SGIP1: variants seen among roughly 807,000 people sequenced by gnomAD.
The protein encoded by SGIP1 is SH3-containing GRB2-like protein 3-interacting protein 1.
A neutral mutation model predicts 107.5 loss-of-function variants in SGIP1; 38 were observed. That is an observed-to-expected ratio of 0.35 (90% CI 0.27 to 0.46). The LOEUF is 0.46. Among genes scored for constraint, SGIP1 ranks in the 20% least tolerant of loss-of-function variants. The pLI, the probability that SGIP1 is intolerant of heterozygous loss-of-function variation, is 1.00. For synonymous variants in SGIP1, 365 were observed against 366.1 expected (o/e 1.00, Z 0.03); for missense variants, 929 against 1,019.5 (o/e 0.91, Z 1.21).
At chr1:66,658,118 T>G (rs1333458498) in intron 7 of SGIP1, among the ~76,000 whole-genome samples, 1 of 152,164 alleles carries the variant, frequency 6.6e-6, no homozygotes, top group Non-Finnish European at 1.5e-5. Flanking sequence ...CATTTGTGTG[T>G]TCATGTTTAG....
intron 7 of SGIP1, 200 bp downstream of exon 7, chr1:66,643,919 A>T: frequency 2.7e-6 from 1 of 366,138 alleles, no homozygotes. Context: ...TGTGCTTTTC[A>T]AAAAGGTGAA....
At chr1:66,557,318 T>C (rs2058329107) in intron 1 of SGIP1, among the ~76,000 whole-genome samples, 1 of 152,128 alleles carries the variant, frequency 6.6e-6, no homozygotes, top group Admixed American at 6.6e-5. Context: ...GAGCAGACAT[T>C]GCTAATAAAT....
chr1:66,693,038 A>C (rs1213026465), intron 17 of SGIP1, among the ~76,000 whole-genome samples: 1 of 152,112 alleles, frequency 6.6e-6, no homozygotes, highest in Non-Finnish European at 1.5e-5. Context: ...GAGAAAAACT[A>C]CTGGTTGAGC....
chr1:66,683,516 G>A (rs1273145663), intron 15 of SGIP1, among the ~76,000 whole-genome samples: 1 of 151,976 alleles, frequency 6.6e-6, no homozygotes, highest in Non-Finnish European at 1.5e-5. Context: ...CACCCGTACT[G>A]CACACAAAAC....
At chr1:66,605,028 C>A (rs950165091) in intron 1 of SGIP1, among the ~76,000 whole-genome samples, 1 of 152,184 alleles carries the variant, frequency 6.6e-6, no homozygotes, top group African/African-American at 2.4e-5. Flanking sequence ...CTCTTCACTT[C>A]ATCTTCCCTG....
intron 18 of SGIP1, among the ~76,000 whole-genome samples, chr1:66,709,516 C>G (rs1054603281): frequency 6.6e-6 from 1 of 152,120 alleles, no homozygotes; most frequent in Non-Finnish European, 1.5e-5. Context: ...CCTATCTGGA[C>G]ACATGGTTGT....
intron 1 of SGIP1, among the ~76,000 whole-genome samples, chr1:66,613,355 A>T (rs2068452293): frequency 6.6e-6 from 1 of 152,126 alleles, no homozygotes; most frequent in African/African-American, 2.4e-5. Flanking sequence ...TCTGAGTCAG[A>T]GTCTCACTCT....
intron 1 of SGIP1, among the ~76,000 whole-genome samples, chr1:66,587,817 T>G (rs962426888): frequency 6.6e-6 from 1 of 151,852 alleles, no homozygotes; most frequent in African/African-American, 2.4e-5. Context: ...TTCACAAAGG[T>G]AAGGAAGATG....
chr1:66,696,363 T>A (rs1292519802), intron 18 of SGIP1, among the ~76,000 whole-genome samples: 1 of 152,230 alleles, frequency 6.6e-6, no homozygotes, highest in East Asian at 1.9e-4. Context: ...GGATTTTAAA[T>A]AGCTACATTT....
At chr1:66,602,087 A>AC (rs1299095689) in intron 1 of SGIP1, among the ~76,000 whole-genome samples, 1 of 152,208 alleles carries the variant, frequency 6.6e-6, no homozygotes. Flanking sequence ...TTAAGCTGAG[A>AC]ATCAGTGATC....
rs77713734 is a variant in SGIP1 at position 66,572,497 on chromosome 1, C to T, written c.10+38129C>T. Among the ~76,000 whole-genome samples the T allele has an allele frequency of 7.6e-3, 1,161 of 152,058 alleles. 13 individuals carry two copies. The highest frequency in any genetic ancestry group is 0.026 in the African/African-American group (1,066 of 41,494). Reference sequence around the variant, plus strand: ...CAGTTTAGTTCCTTGGGTTCCTCCCCGAAATATGTCCTTATGGAGGTTGCT... The same window carrying T: ...CAGTTTAGTTCCTTGGGTTCCTCCCTGAAATATGTCCTTATGGAGGTTGCT... On this transcript the variant is annotated intron_variant, in intron 1 of 24. Coordinates refer to ENST00000371037, the MANE Select transcript of SGIP1 (RefSeq NM_032291.4).
intron 1 of SGIP1, among the ~76,000 whole-genome samples, chr1:66,566,994 G>T (rs2059741540): frequency 6.6e-6 from 1 of 152,066 alleles, no homozygotes; most frequent in Admixed American, 6.6e-5. Flanking sequence ...AGTTTGCTGA[G>T]GATGATGGCT....
chr1:66,733,570 T>C (rs1014844428), intron 20 of SGIP1, among the ~76,000 whole-genome samples, 178 bp from the exon 21 acceptor site: 1 of 152,182 alleles, frequency 6.6e-6, no homozygotes, highest in Non-Finnish European at 1.5e-5. Flanking sequence ...ACCAACACCA[T>C]AGCATTCAGA....
intron 18 of SGIP1, among the ~76,000 whole-genome samples, chr1:66,698,895 T>C (rs1557672411): frequency 6.6e-6 from 1 of 151,564 alleles, no homozygotes; most frequent in Non-Finnish European, 1.5e-5. Context: ...CAAAATCATC[T>C]CGTATGTGGT....
chr1:66,697,021 G>C (rs922069419), intron 18 of SGIP1, among the ~76,000 whole-genome samples: 3 of 152,058 alleles, frequency 2.0e-5, no homozygotes, highest in Admixed American at 1.3e-4. Context: ...TTTTAACCAG[G>C]AAAGTAAACA....
At chr1:66,635,909 A>G (rs1354517605) in intron 3 of SGIP1, 35 bp from the exon 4 acceptor site, 1 of 1,605,450 alleles carries the variant, frequency 6.2e-7, no homozygotes, top group Admixed American at 1.7e-5. Flanking sequence ...AGATCTTTTA[A>G]CCACTTTTTT....
chr1:66,645,015 T>C (rs2077424560), intron 7 of SGIP1, among the ~76,000 whole-genome samples: 1 of 152,232 alleles, frequency 6.6e-6, no homozygotes, highest in South Asian at 2.1e-4. Context: ...CAGTGGCATC[T>C]TTCAAATTAT....
intron 21 of SGIP1, among the ~76,000 whole-genome samples, chr1:66,736,614 G>A (rs1172056139): frequency 6.8e-6 from 1 of 146,754 alleles, no homozygotes; most frequent in Non-Finnish European, 1.5e-5. Context: ...ATAATATATT[G>A]CGTATTATAT....
At chr1:66,630,332 A>G (rs1209334859) in intron 2 of SGIP1, among the ~76,000 whole-genome samples, 3 of 152,164 alleles carry the variant, frequency 2.0e-5, no homozygotes, top group Admixed American at 6.5e-5. Context: ...CTTTTGCCGC[A>G]TCTATTTCTT....
Sources: gnomAD v4.1 joint callset for allele counts (sites outside exome capture counted in the v4.1 genomes callset) on GRCh38, gnomAD v4.1.1 for gene constraint, MANE v1.5 for transcripts, NCBI Gene and HGNC (gene_info 2026-07-23, HGNC 2026-07-21) for gene names.